ATXN7L1: variants seen among roughly 807,000 people sequenced by gnomAD.
The protein encoded by ATXN7L1 is ataxin 7 like 1, also known as ataxin-7-like protein 1.
Under a neutral mutation model 70.8 loss-of-function variants are expected in ATXN7L1, and 15 were observed. The ratio of observed to expected loss-of-function variants is 0.21; its 90% CI spans 0.14 to 0.33. ATXN7L1 has a LOEUF of 0.33. Ranked by LOEUF, ATXN7L1 falls within the 10% of genes least tolerant of loss-of-function variation. The probability of loss-of-function intolerance (pLI) is 1.00; values close to 1 mark genes in which losing one functional copy is unlikely to be tolerated. For missense variants in ATXN7L1, 975 were observed against 1,097.1 expected, an observed-to-expected ratio of 0.89 and a Z score of 1.57; for synonymous variants, 440 against 445.1, an observed-to-expected ratio of 0.99 and a Z score of 0.14.
chr7:105,863,969 G>C (rs894887620), intron 2 of ATXN7L1, among the ~76,000 whole-genome samples: 6 of 152,084 alleles, frequency 3.9e-5, no homozygotes, highest in Non-Finnish European at 5.9e-5. Context: ...AAATACATAA[G>C]CAGCTCCCTA....
intron 3 of ATXN7L1, among the ~76,000 whole-genome samples, chr7:105,735,204 G>A (rs1352146887): frequency 6.6e-6 from 1 of 152,036 alleles, no homozygotes. Context: ...CAATAATAAT[G>A]ATGATATCTG....
intron 3 of ATXN7L1, among the ~76,000 whole-genome samples, chr7:105,674,475 T>C (rs900420038): frequency 2.0e-5 from 3 of 152,212 alleles, no homozygotes; most frequent in Non-Finnish European, 4.4e-5. Context: ...CTATTATTTT[T>C]TTTTCTTCTT....
At chr7:105,824,604 G>A (rs1810602866) in intron 2 of ATXN7L1, among the ~76,000 whole-genome samples, 1 of 152,054 alleles carries the variant, frequency 6.6e-6, no homozygotes, top group Non-Finnish European at 1.5e-5. Context: ...AAAGCAAACA[G>A]AAAGTAGAAA....
At chr7:105,687,511 A>C (rs1269965604) in intron 3 of ATXN7L1, among the ~76,000 whole-genome samples, 1 of 152,216 alleles carries the variant, frequency 6.6e-6, no homozygotes, top group Non-Finnish European at 1.5e-5. Flanking sequence ...AGAGGCGGCA[A>C]GAGGGCAGCC....
At chr7:105,845,201 T>C (rs1813813861) in intron 2 of ATXN7L1, among the ~76,000 whole-genome samples, 1 of 34,888 alleles carries the variant, frequency 2.9e-5, no homozygotes, top group Non-Finnish European at 5.0e-5. Flanking sequence ...CAAAACTCTG[T>C]CTCAAAAAAA....
chr7:105,713,075 C>T (rs1239806436), intron 3 of ATXN7L1, among the ~76,000 whole-genome samples: 1 of 152,156 alleles, frequency 6.6e-6, no homozygotes, highest in Non-Finnish European at 1.5e-5. Context: ...GAAGCAAGCA[C>T]ATCTTACCGT....
intron 3 of ATXN7L1, among the ~76,000 whole-genome samples, chr7:105,715,791 T>C (rs1268303595): frequency 6.6e-6 from 1 of 152,170 alleles, no homozygotes; most frequent in Non-Finnish European, 1.5e-5. Flanking sequence ...GAAATGACAG[T>C]GGTGGTGAAA....
At chr7:105,617,700 G>C (rs1794115619) in intron 9 of ATXN7L1, 1 of 349,704 alleles carries the variant, frequency 2.9e-6, no homozygotes, top group African/African-American at 2.1e-5. Context: ...CACTGGCCCA[G>C]GGAAGTCCCA....
chr7:105,644,217 C>T (rs1798668554), intron 4 of ATXN7L1, among the ~76,000 whole-genome samples: 1 of 152,168 alleles, frequency 6.6e-6, no homozygotes, highest in Non-Finnish European at 1.5e-5. Flanking sequence ...CTGGCTGGCT[C>T]TCCTTTCTCT....
Position 105,607,258 on chromosome 7 carries a change from C to T in ATXN7L1, c.*594G>A, listed in dbSNP as rs1792797797. ...CTCCAGCCATGGTGGGCTGTGGAAA[C>T]TGGATGAGGGAACCCCACCCACCCT... On this transcript the variant is annotated 3_prime_UTR_variant, in exon 12 of 12. Coordinates refer to ENST00000419735, the MANE Select transcript of ATXN7L1 (RefSeq NM_020725.2). 1 of 153,330 alleles carries T rather than the reference C, an allele frequency of 6.5e-6. No individual in the cohort carries two copies. Among genetic ancestry groups the T allele is most frequent in the Admixed American group, 6.5e-5 (1 of 15,430 alleles). 9.5% of individuals were successfully genotyped at this position (153,330 alleles called of 1,614,324 possible).
At chr7:105,853,509 G>A (rs1286559247) in intron 2 of ATXN7L1, among the ~76,000 whole-genome samples, 2 of 151,900 alleles carry the variant, frequency 1.3e-5, no homozygotes, top group Non-Finnish European at 2.9e-5. Flanking sequence ...AGCAGAGATC[G>A]CACCATTACA....
chr7:105,760,423 G>T (rs1800391504), intron 3 of ATXN7L1: 3 of 983,586 alleles, frequency 3.1e-6, no homozygotes, highest in Non-Finnish European at 3.6e-6. Flanking sequence ...CAGGTGGCAG[G>T]GTCTAGACAT....
intron 2 of ATXN7L1, among the ~76,000 whole-genome samples, chr7:105,873,229 A>T (rs1818544068): frequency 6.6e-6 from 1 of 152,256 alleles, no homozygotes; most frequent in Admixed American, 6.5e-5. Flanking sequence ...TTCAATTCCC[A>T]GTTGGAATTT....
chr7:105,829,478 C>A (rs1007988933), intron 2 of ATXN7L1, among the ~76,000 whole-genome samples: 3 of 152,046 alleles, frequency 2.0e-5, no homozygotes, highest in Admixed American at 1.3e-4. Flanking sequence ...ACAACAACAA[C>A]AAAAAACCAG....
At chr7:105,663,548 A>C (rs73408858) in intron 4 of ATXN7L1, among the ~76,000 whole-genome samples, 5 of 152,130 alleles carry the variant, frequency 3.3e-5, no homozygotes. Flanking sequence ...TGGACTCCAC[A>C]CTTATCCCTT....
At chr7:105,804,033 C>T (rs555185926) in intron 2 of ATXN7L1, among the ~76,000 whole-genome samples, 2 of 152,296 alleles carry the variant, frequency 1.3e-5, no homozygotes, top group Non-Finnish European at 2.9e-5. Flanking sequence ...AGGACTTCTA[C>T]CAGCCTTGGC....
At position 105,638,572 on chromosome 7, in the gene ATXN7L1, C is replaced by T. The variant is rs1797714498; in HGVS notation, c.983G>A (p.Arg328Gln). ...SLSHRRAVPGRKKQFDLLLAE... is the reference protein window; with the variant it reads ...SLSHRRAVPGQKKQFDLLLAE... Reference sequence around the variant, plus strand: ...CAGGAGGAGGTCAAATTGCTTTTTCCGGCCTGGGACTGCCCTCCGATGGCT... The same window carrying T: ...CAGGAGGAGGTCAAATTGCTTTTTCTGGCCTGGGACTGCCCTCCGATGGCT... The change falls in exon 7 of 12, where the codon CGG becomes CAG. Residue 328 changes from arginine (R) to glutamine (Q), a missense_variant. By Grantham distance (43) the Arg-to-Gln change is conservative. Around this residue, in one of 5 missense-constraint regions of ATXN7L1, gnomAD observed 635 missense variants for 699.4 expected, o/e 0.91. Coordinates refer to ENST00000419735, the MANE Select transcript of ATXN7L1 (RefSeq NM_020725.2). 6.4e-7 allele frequency: 1 copy of T among 1,551,884 alleles called. No individual in the cohort carries two copies. The highest frequency in any genetic ancestry group is 8.7e-7 in the Non-Finnish European group (1 of 1,147,032).
chr7:105,623,674 A>G (rs765360979), intron 8 of ATXN7L1, among the ~76,000 whole-genome samples: 1 of 152,220 alleles, frequency 6.6e-6, no homozygotes, highest in Non-Finnish European at 1.5e-5. Flanking sequence ...GACAGTTTCC[A>G]GAGTAGGTGA....
chr7:105,858,591 C>T (rs922049978), intron 2 of ATXN7L1, among the ~76,000 whole-genome samples: 1 of 152,174 alleles, frequency 6.6e-6, no homozygotes, highest in Non-Finnish European at 1.5e-5. Context: ...GAAAATACAA[C>T]GTTTGCAATG....
Sources: gnomAD v4.1 joint callset for allele counts (sites outside exome capture counted in the v4.1 genomes callset) on GRCh38, gnomAD v4.1.1 for gene constraint, gnomAD v4.1.1 regional missense constraint, MANE v1.5 for transcripts, NCBI Gene and HGNC (gene_info 2026-07-23, HGNC 2026-07-21) for gene names.